FAM13A: variants seen among roughly 807,000 people sequenced by gnomAD.
FAM13A encodes the protein family with sequence similarity 13 member A.
A neutral mutation model predicts 129.6 loss-of-function variants in FAM13A; 76 were observed. The ratio of observed to expected loss-of-function variants is 0.59; its 90% CI spans 0.49 to 0.71. FAM13A has a LOEUF of 0.71. FAM13A is among the 30% of genes least tolerant of loss of function. The pLI, the probability that FAM13A is intolerant of heterozygous loss-of-function variation, is 0.00. For missense variants in FAM13A, 1,108 were observed against 1,249.3 expected, an observed-to-expected ratio of 0.89 and a Z score of 1.70; for synonymous variants, 443 against 449.9, an observed-to-expected ratio of 0.98 and a Z score of 0.20.
intron 4 of FAM13A, among the ~76,000 whole-genome samples, chr4:88,966,870 T>C (rs1185585223): frequency 6.6e-6 from 1 of 152,202 alleles, no homozygotes; most frequent in Admixed American, 6.5e-5. Context: ...TAGAAAATTG[T>C]TATCCTTTCT....
rs1767119766 is a variant in FAM13A at position 89,020,508 on chromosome 4, T to G, written c.379A>C (p.Ser127Arg). The G allele has an allele frequency of 6.2e-7, 1 of 1,613,984 alleles. No homozygotes were observed. The highest frequency in any genetic ancestry group is 1.3e-5 in the African/African-American group (1 of 74,908). Residue 127 changes from serine to arginine, a missense_variant, in exon 3 of 24, where the codon AGT (serine) becomes CGT (arginine). Around this residue, in one of 3 missense-constraint regions of FAM13A, gnomAD observed 566 missense variants for 595.7 expected, o/e 0.95. Coordinates refer to ENST00000264344, the MANE Select transcript of FAM13A (RefSeq NM_014883.4). ...GGCTGCAACGCTGAGGTGATCAGAC[T>G]GTCAGGCAGCTCCCTCAGAAACAGC... The part of the protein sequence containing the change: ...LKLFLRELPD[S>R]LITSALQPRF...
intron 4 of FAM13A, among the ~76,000 whole-genome samples, chr4:88,969,958 G>A (rs542441399): frequency 2.0e-5 from 3 of 152,252 alleles, no homozygotes; most frequent in African/African-American, 4.8e-5. Flanking sequence ...TCTCAGCATC[G>A]ATATCAGTTC....
intron 14 of FAM13A, among the ~76,000 whole-genome samples, chr4:88,755,220 G>A (rs1338712916): frequency 2.0e-5 from 3 of 152,054 alleles, no homozygotes; most frequent in African/African-American, 4.8e-5. Context: ...ATGGCCATTC[G>A]GTAAACTGCG....
In FAM13A at chr4:88,739,463, GCAT is replaced by G. The variant is rs1395038297; in HGVS notation, c.2467-341_2467-339del. Among the ~76,000 whole-genome samples, 5 of 151,756 alleles carry G rather than the reference GCAT, an allele frequency of 3.3e-5. 1 individual carries two copies. The highest frequency in any genetic ancestry group is 9.7e-5 in the African/African-American group (4 of 41,266). ...TTTTCTGAGCCCAGGGAAAGTGAAA[GCAT>G]ATATCTGCTATAAGACGTATCATGT... On this transcript the variant is annotated intron_variant, in intron 19 of 23. Coordinates refer to ENST00000264344, the MANE Select transcript of FAM13A (RefSeq NM_014883.4).
At chr4:88,739,914 T>C (rs1578436565) in intron 19 of FAM13A, among the ~76,000 whole-genome samples, 2 of 151,556 alleles carry the variant, frequency 1.3e-5, no homozygotes, top group South Asian at 4.2e-4. Flanking sequence ...TGATGAAAAA[T>C]ACATGAACTG....
chr4:88,756,701 A>C (rs944806149), intron 14 of FAM13A, among the ~76,000 whole-genome samples: 1 of 152,168 alleles, frequency 6.6e-6, no homozygotes, highest in Admixed American at 6.5e-5. Context: ...TTCTTATTTT[A>C]GCTATAAAAA....
chr4:89,015,801 G>A (rs1285873738), intron 3 of FAM13A, among the ~76,000 whole-genome samples: 1 of 151,914 alleles, frequency 6.6e-6, no homozygotes, highest in Admixed American at 6.6e-5. Context: ...CACAGACTCA[G>A]ATACACATAT....
intron 4 of FAM13A, among the ~76,000 whole-genome samples, chr4:88,953,616 C>A (rs944103533): frequency 2.6e-5 from 4 of 152,282 alleles, no homozygotes; most frequent in African/African-American, 9.6e-5. Flanking sequence ...AAACTCTACA[C>A]CCATTAAGCA....
At chr4:88,897,594 C>T (rs1746572677) in intron 6 of FAM13A, among the ~76,000 whole-genome samples, 1 of 152,088 alleles carries the variant, frequency 6.6e-6, no homozygotes, top group Non-Finnish European at 1.5e-5. Context: ...ATCAGAAATA[C>T]TTAACTGTCC....
chr4:88,842,791 T>G (rs998617791), intron 7 of FAM13A, among the ~76,000 whole-genome samples: 5 of 152,216 alleles, frequency 3.3e-5, no homozygotes, highest in African/African-American at 1.2e-4. Flanking sequence ...CATCAACTAC[T>G]CATACTGTAA....
At chr4:88,883,717 CA>C (rs1288848685) in intron 6 of FAM13A, among the ~76,000 whole-genome samples, 8 of 151,904 alleles carry the variant, frequency 5.3e-5, no homozygotes, top group Non-Finnish European at 5.9e-5. Flanking sequence ...ATAAATGAAA[CA>C]AAAACCTGGT....
intron 21 of FAM13A, among the ~76,000 whole-genome samples, chr4:88,733,305 CAT>C (rs1375729054): frequency 6.7e-6 from 1 of 150,094 alleles, no homozygotes; most frequent in African/African-American, 2.5e-5. Context: ...AAAGGACTAT[CAT>C]ATAACTGATA....
intron 3 of FAM13A, among the ~76,000 whole-genome samples, chr4:89,015,924 AC>A (rs903849714): frequency 1.8e-4 from 27 of 152,184 alleles, no homozygotes; most frequent in African/African-American, 6.3e-4. Context: ...ATACATATAT[AC>A]GTGTATGTTA....
intron 4 of FAM13A, among the ~76,000 whole-genome samples, chr4:88,966,369 A>G (rs1306187064): frequency 1.3e-5 from 2 of 152,136 alleles, no homozygotes; most frequent in Admixed American, 1.3e-4. Flanking sequence ...AGAGCCTACT[A>G]TATGGCAGGG....
At chr4:88,801,863 C>T (rs931805953) in intron 8 of FAM13A, among the ~76,000 whole-genome samples, 2 of 151,654 alleles carry the variant, frequency 1.3e-5, no homozygotes, top group African/African-American at 2.4e-5. Flanking sequence ...GGAGAAACAG[C>T]AAAAGGAGAT....
At chr4:88,749,948 A>G in intron 15 of FAM13A, 39 bp from the exon 16 acceptor site, 6 of 1,608,640 alleles carry the variant, frequency 3.7e-6, no homozygotes, top group Non-Finnish European at 5.1e-6. Context: ...CCCCAGGAGC[A>G]GTCACTGCTT....
At chr4:88,794,849 A>G (rs1725851176) in intron 8 of FAM13A, among the ~76,000 whole-genome samples, 1 of 151,868 alleles carries the variant, frequency 6.6e-6, no homozygotes, top group African/African-American at 2.4e-5. Context: ...TGTCAATTTA[A>G]CAAAATATAG....
At chr4:88,839,478 A>G (rs1333324797) in intron 7 of FAM13A, among the ~76,000 whole-genome samples, 2 of 152,248 alleles carry the variant, frequency 1.3e-5, no homozygotes, top group East Asian at 1.9e-4. Context: ...TCAATAGACA[A>G]AGGAAAAATA....
chr4:89,007,681 AG>A (rs1765232577), intron 3 of FAM13A, among the ~76,000 whole-genome samples: 1 of 152,242 alleles, frequency 6.6e-6, no homozygotes, highest in Non-Finnish European at 1.5e-5. Flanking sequence ...GGGCACAAAA[AG>A]GGTAAGTAAC....
Sources: allele counts gnomAD v4.1 joint callset (sites outside exome capture counted in the v4.1 genomes callset), GRCh38; gene constraint gnomAD v4.1.1; regional missense constraint gnomAD v4.1.1; transcripts MANE v1.5; gene names NCBI Gene and HGNC (gene_info 2026-07-23, HGNC 2026-07-21).